LRRC4C: variants seen among roughly 807,000 people sequenced by gnomAD.
LRRC4C encodes the protein leucine rich repeat containing 4C.
LRRC4C carries 5 observed loss-of-function variants against 33.6 expected under a neutral mutation model. The ratio of observed to expected loss-of-function variants is 0.15; its 90% CI spans 0.08 to 0.31. LRRC4C has a LOEUF of 0.31. LRRC4C is among the 10% of genes least tolerant of loss of function. The pLI is 1.00. For missense variants in LRRC4C, 560 were observed against 796.7 expected (o/e 0.70, Z 3.58); for synonymous variants, 329 against 302.0 (o/e 1.09, Z -0.93).
intron 1 of LRRC4C, among the ~76,000 whole-genome samples, chr11:41,102,123 CT>C (rs753084632): frequency 6.6e-6 from 1 of 151,826 alleles, no homozygotes; most frequent in Non-Finnish European, 1.5e-5. Context: ...ACATGTACCC[CT>C]GAACCTAAAA....
chr11:40,262,074 C>T (rs1027243358), intron 4 of LRRC4C, among the ~76,000 whole-genome samples: 5 of 152,138 alleles, frequency 3.3e-5, no homozygotes, highest in Non-Finnish European at 5.9e-5. Context: ...TTTTTGCAAT[C>T]TATCCATCTG....
intron 1 of LRRC4C, among the ~76,000 whole-genome samples, chr11:41,311,541 T>C (rs1484586535): frequency 6.6e-6 from 1 of 152,198 alleles, no homozygotes; most frequent in East Asian, 1.9e-4. Context: ...AAAATATATG[T>C]TCCATGTACT....
At chr11:40,857,345 C>A (rs1264276628) in intron 2 of LRRC4C, among the ~76,000 whole-genome samples, 1 of 152,160 alleles carries the variant, frequency 6.6e-6, no homozygotes, top group African/African-American at 2.4e-5. Context: ...TCCTGATGAT[C>A]TCCCCACTGA....
In LRRC4C at chr11:40,898,269, G is replaced by T. The variant is rs530665648; in HGVS notation, c.-407+35366C>A. ...CTCGGGAGGCTGAGCCAGGAGAATT[G>T]CTTGAACCCGGGAGGCGGAGGTTGT... On this transcript the variant is annotated intron_variant, in intron 2 of 6. Transcript: ENST00000528697. 1.2e-4 allele frequency among the ~76,000 whole-genome samples: 18 copies of T among 144,736 alleles called. No individual in the cohort carries two copies. In the South Asian group the frequency reaches 3.8e-3, roughly 30 times the overall value. The allele number at this position is 144,736 out of a possible 152,430, so 95.0% of individuals were successfully genotyped here. A position where few individuals can be genotyped will look rare whatever the true frequency, so the allele number is the denominator to read the frequency against.
At chr11:40,910,483 T>G (rs557206494) in intron 2 of LRRC4C, among the ~76,000 whole-genome samples, 3 of 152,302 alleles carry the variant, frequency 2.0e-5, no homozygotes, top group South Asian at 2.1e-4. Flanking sequence ...TATTGTGGTC[T>G]AAAAAAGCAA....
intron 3 of LRRC4C, among the ~76,000 whole-genome samples, chr11:40,615,858 C>T (rs1389935761): frequency 2.0e-5 from 3 of 151,664 alleles, no homozygotes; most frequent in Non-Finnish European, 4.4e-5. Context: ...ATGTTGGGCA[C>T]ATAGGTGTTC....
At chr11:41,385,784 T>C (rs1160235685) in intron 1 of LRRC4C, among the ~76,000 whole-genome samples, 1 of 151,510 alleles carries the variant, frequency 6.6e-6, no homozygotes, top group Admixed American at 6.6e-5. Context: ...AAACGTCCAA[T>C]AGGGAAGATA....
chr11:41,065,191 T>A (rs184913156), intron 1 of LRRC4C, among the ~76,000 whole-genome samples: 61 of 149,320 alleles, frequency 4.1e-4, no homozygotes, highest in African/African-American at 1.5e-4. Context: ...CAGTCTGGAG[T>A]CCACCCGGGA....
intron 3 of LRRC4C, among the ~76,000 whole-genome samples, chr11:40,427,836 A>G (rs936358582): frequency 2.0e-5 from 3 of 152,264 alleles, no homozygotes; most frequent in Middle Eastern, 3.4e-3. Context: ...TTAAAAAAAC[A>G]AAAGACCAAA....
At chr11:40,487,821 GA>G (rs1476231776) in intron 3 of LRRC4C, among the ~76,000 whole-genome samples, 2 of 151,940 alleles carry the variant, frequency 1.3e-5, no homozygotes, top group African/African-American at 4.8e-5. Context: ...TATTATAAGA[GA>G]AAAACAGATT....
intron 5 of LRRC4C, among the ~76,000 whole-genome samples, chr11:40,239,181 A>G (rs1865770517): frequency 6.6e-6 from 1 of 152,180 alleles, no homozygotes; most frequent in African/African-American, 2.4e-5. Flanking sequence ...CTAACTCCCC[A>G]GCAGAACTGA....
chr11:41,017,939 G>A (rs1038912428), intron 1 of LRRC4C, among the ~76,000 whole-genome samples: 6 of 151,994 alleles, frequency 3.9e-5, no homozygotes, highest in African/African-American at 1.4e-4. Context: ...GAGGTCTGAA[G>A]TTGCTAGGGA....
chr11:41,159,434 C>A (rs1944370924), intron 1 of LRRC4C, among the ~76,000 whole-genome samples: 1 of 151,964 alleles, frequency 6.6e-6, no homozygotes, highest in African/African-American at 2.4e-5. Flanking sequence ...TGCTAAAGGG[C>A]AGAGAAAAAG....
At chr11:40,826,711 G>A (rs1489711222) in intron 2 of LRRC4C, among the ~76,000 whole-genome samples, 2 of 151,838 alleles carry the variant, frequency 1.3e-5, no homozygotes, top group Non-Finnish European at 2.9e-5. Context: ...GACACAACAG[G>A]CAATTCAAGT....
At chr11:41,050,440 C>G (rs961827872) in intron 1 of LRRC4C, among the ~76,000 whole-genome samples, 2 of 152,094 alleles carry the variant, frequency 1.3e-5, no homozygotes, top group Admixed American at 1.3e-4. Flanking sequence ...GATCTCCCTC[C>G]CCTTGCCCCC....
At chr11:40,536,977 G>T (rs1317483006) in intron 3 of LRRC4C, among the ~76,000 whole-genome samples, 2 of 152,068 alleles carry the variant, frequency 1.3e-5, no homozygotes, top group African/African-American at 4.8e-5. Flanking sequence ...TTTGTTCACT[G>T]CTCTAACATC....
At chr11:41,274,084 G>A (rs891895345) in intron 1 of LRRC4C, among the ~76,000 whole-genome samples, 6 of 152,072 alleles carry the variant, frequency 3.9e-5, no homozygotes, top group African/African-American at 9.7e-5. Flanking sequence ...ATGGAGGCAT[G>A]CATGGCATGT....
chr11:40,877,067 A>G (rs1370405805), intron 2 of LRRC4C, among the ~76,000 whole-genome samples: 1 of 152,194 alleles, frequency 6.6e-6, no homozygotes, highest in East Asian at 1.9e-4. Context: ...ATGTAAGGGC[A>G]TGTACTTTAA....
rs1361195013 is a variant in LRRC4C, at chr11:40,617,868, G to A, written c.-270+30274C>T. 3.3e-5 allele frequency among the ~76,000 whole-genome samples: 5 copies of A among 151,704 alleles called. No individual in the cohort carries two copies. In the South Asian group the frequency reaches 8.3e-4, roughly 25 times the overall value. On this transcript the variant is annotated intron_variant, in intron 3 of 6. Transcript: ENST00000528697. ...GACAAATGTTAGTGTTGACCTACCT[G>A]GTTGACTAAGTGAAGAGTGTAACTT... is the stretch of plus-strand genomic sequence containing the variant.
Sources: allele counts gnomAD v4.1 joint callset (sites outside exome capture counted in the v4.1 genomes callset), GRCh38; gene constraint gnomAD v4.1.1; transcripts MANE v1.5; gene names NCBI Gene and HGNC (gene_info 2026-07-23, HGNC 2026-07-21).